The following NXPE2 variants were observed in gnomAD, a reference collection of about 807,000 sequenced individuals.
NXPE2 encodes the protein NXPE family member 2.
A neutral mutation model predicts 34.4 loss-of-function variants in NXPE2; 34 were observed. That is an observed-to-expected ratio of 0.99 (90% CI 0.75 to 1.31). The LOEUF (loss-of-function observed/expected upper bound fraction) is 1.31. NXPE2 is among the 40% of genes most tolerant of loss of function. NXPE2 has a pLI of 0.00. For synonymous variants in NXPE2, 235 were observed against 231.3 expected (o/e 1.02, Z -0.15); for missense variants, 649 against 672.5 (o/e 0.97, Z 0.39).
In NXPE2 at chr11:114,683,507, G is replaced by A. The variant is rs192418026; in HGVS notation, c.132+3745G>A. ...ACGACCTCGGCTCACTGCAACCTCC[G>A]CCTCCTGGGTTCAAGTGATTCTCCT... On this transcript the variant is annotated intron_variant, in intron 2 of 5. Coordinates refer to ENST00000389586, the MANE Select transcript of NXPE2 (RefSeq NM_182495.6). Among the ~76,000 whole-genome samples the A allele has an allele frequency of 1.0e-3, 154 of 147,878 alleles. 1 individual carries two copies. The highest frequency in any genetic ancestry group is 3.3e-3 in the African/African-American group (131 of 40,080).
chr11:114,706,332 G>A (rs1951471857), intron 5 of NXPE2, 63 bp from the exon 6 acceptor site: 3 of 1,308,736 alleles, frequency 2.3e-6, no homozygotes, highest in South Asian at 1.5e-5. Flanking sequence ...TACATGTTGT[G>A]TGCAGTTTAA....
chr11:114,792,467 T>C, the NXPE2 span, among the ~76,000 whole-genome samples: 1 of 152,348 alleles, frequency 6.6e-6, no homozygotes, highest in African/African-American at 2.4e-5. Flanking sequence ...ATTTATCTTT[T>C]AATAACTCTC....
the NXPE2 span, among the ~76,000 whole-genome samples, chr11:114,800,696 C>T: frequency 6.6e-6 from 1 of 152,174 alleles, no homozygotes; most frequent in Non-Finnish European, 1.5e-5. Flanking sequence ...AGTTCAAGTT[C>T]AAAGCCCACC....
chr11:114,532,850 T>C, the NXPE2 span, among the ~76,000 whole-genome samples: 1 of 152,212 alleles, frequency 6.6e-6, no homozygotes, highest in East Asian at 1.9e-4. Flanking sequence ...GTGAAAAATC[T>C]TGTAGTATAA....
the NXPE2 span, among the ~76,000 whole-genome samples, chr11:114,794,851 GCCCCCCC>G: frequency 8.0e-6 from 1 of 125,396 alleles, no homozygotes; most frequent in African/African-American, 2.9e-5. Flanking sequence ...TTGCACCCCC[GCCCCCCC>G]CAACCCCATC....
the NXPE2 span, among the ~76,000 whole-genome samples, chr11:114,793,305 T>C: frequency 6.6e-6 from 1 of 152,336 alleles, no homozygotes. Context: ...TTATATTTTC[T>C]ACTCTATTTT....
At chr11:114,620,743 G>A in the NXPE2 span, among the ~76,000 whole-genome samples, 1 of 152,060 alleles carries the variant, frequency 6.6e-6, no homozygotes. Context: ...GTTACCCGAT[G>A]TATAATAAGT....
At chr11:114,576,006 T>C in the NXPE2 span, among the ~76,000 whole-genome samples, 4 of 152,254 alleles carry the variant, frequency 2.6e-5, no homozygotes, top group Admixed American at 1.3e-4. Flanking sequence ...AATAGGCACA[T>C]AGACCAATGG....
the NXPE2 span, among the ~76,000 whole-genome samples, chr11:114,600,635 T>A: frequency 6.6e-6 from 1 of 152,058 alleles, no homozygotes; most frequent in Admixed American, 6.6e-5. Flanking sequence ...TAAGGAGACA[T>A]GATGACTAAA....
the NXPE2 span, among the ~76,000 whole-genome samples, chr11:114,480,686 A>G: frequency 6.6e-6 from 1 of 152,162 alleles, no homozygotes; most frequent in Non-Finnish European, 1.5e-5. Context: ...AAAGTATCCT[A>G]ATTAATACAG....
At chr11:114,781,377 G>C in the NXPE2 span, among the ~76,000 whole-genome samples, 1 of 152,252 alleles carries the variant, frequency 6.6e-6, no homozygotes, top group South Asian at 2.1e-4. Flanking sequence ...CTTTGATGAG[G>C]GATTATCATG....
At chr11:114,751,054 C>A in the NXPE2 span, among the ~76,000 whole-genome samples, 145 of 152,190 alleles carry the variant, frequency 9.5e-4, 2 homozygotes, top group East Asian at 0.027. Flanking sequence ...AAAGGTCCTG[C>A]CATTCTGTAT....
At chr11:114,499,262 T>C in the NXPE2 span, among the ~76,000 whole-genome samples, 1 of 152,166 alleles carries the variant, frequency 6.6e-6, no homozygotes, top group Non-Finnish European at 1.5e-5. Context: ...GTGTTTTCTG[T>C]TGTTTAAATC....
the NXPE2 span, among the ~76,000 whole-genome samples, chr11:114,503,406 T>C: frequency 1.5e-4 from 23 of 152,028 alleles, no homozygotes; most frequent in African/African-American, 5.3e-4. Flanking sequence ...AAACTTTAAA[T>C]AAAATGCGTA....
At chr11:114,513,044 C>A in the NXPE2 span, 5 of 448,320 alleles carry the variant, frequency 1.1e-5, no homozygotes, top group East Asian at 1.7e-4. Context: ...TGACCCCCCC[C>A]AGAACAAAGT....
chr11:114,683,942 T>G (rs1299007178), intron 2 of NXPE2, among the ~76,000 whole-genome samples: 2 of 119,320 alleles, frequency 1.7e-5, no homozygotes, highest in African/African-American at 5.9e-5. Context: ...AGTTACATGT[T>G]ACATTCCAGG....
At chr11:114,760,279 G>A in the NXPE2 span, among the ~76,000 whole-genome samples, 1 of 152,184 alleles carries the variant, frequency 6.6e-6, no homozygotes. Flanking sequence ...AGAGGACACA[G>A]CAAAAGGGAA....
At chr11:114,480,346 G>A in the NXPE2 span, among the ~76,000 whole-genome samples, 2 of 152,192 alleles carry the variant, frequency 1.3e-5, no homozygotes, top group African/African-American at 2.4e-5. Context: ...TGGCTCAGGG[G>A]TGGCCACATG....
At chr11:114,599,322 A>G in the NXPE2 span, among the ~76,000 whole-genome samples, 7 of 152,294 alleles carry the variant, frequency 4.6e-5, no homozygotes, top group African/African-American at 1.4e-4. Context: ...CATTGTCCAT[A>G]TCACTACCAG....
Sources: allele counts gnomAD v4.1 joint callset (sites outside exome capture counted in the v4.1 genomes callset), GRCh38; gene constraint gnomAD v4.1.1; transcripts MANE v1.5; gene names NCBI Gene and HGNC (gene_info 2026-07-23, HGNC 2026-07-21).